CNKSR2: variants seen among roughly 807,000 people sequenced by gnomAD.
The protein encoded by CNKSR2 is CNK homolog protein 2.
In CNKSR2, 14 loss-of-function variants were observed where a neutral mutation model predicts 84.4. The observed-to-expected ratio is 0.17, with a 90% confidence interval of 0.11 to 0.26. The LOEUF is 0.26. Among genes scored for constraint, CNKSR2 ranks in the 10% least tolerant of loss-of-function variants. The pLI, the probability that CNKSR2 is intolerant of heterozygous loss-of-function variation, is 1.00. For missense variants in CNKSR2, 485 were observed against 771.2 expected, an observed-to-expected ratio of 0.63 and a Z score of 4.40; for synonymous variants, 275 against 277.9, an observed-to-expected ratio of 0.99 and a Z score of 0.10.
chrX:21,515,440 G>C (rs1710071670), intron 8 of CNKSR2, among the ~76,000 whole-genome samples: 1 of 111,032 alleles, frequency 9.0e-6, no homozygotes, highest in Admixed American at 9.6e-5. Context: ...GCTAAATCCT[G>C]CTTACAATCC....
chrX:21,592,445 G>A (rs765194868), intron 15 of CNKSR2: 1 of 110,878 alleles, frequency 9.0e-6, no homozygotes, highest in Non-Finnish European at 1.9e-5. Context: ...GCCAAGCGTG[G>A]TGGTGCACGT....
At chrX:21,646,083 G>A (rs999187029) in intron 20 of CNKSR2, among the ~76,000 whole-genome samples, 3 of 110,956 alleles carry the variant, frequency 2.7e-5, no homozygotes, top group Admixed American at 9.6e-5. Flanking sequence ...TCAGTCCCTC[G>A]TCCTTACTCA....
chrX:21,437,817 G>A (rs1248751364), intron 3 of CNKSR2, among the ~76,000 whole-genome samples: 2 of 110,460 alleles, frequency 1.8e-5, no homozygotes, highest in Non-Finnish European at 3.8e-5. Flanking sequence ...AGTAAATTTT[G>A]ATAACACCTA....
At chrX:21,650,510 G>T (rs2147348102) in intron 21 of CNKSR2, among the ~76,000 whole-genome samples, 1 of 109,221 alleles carries the variant, frequency 9.2e-6, no homozygotes, top group African/African-American at 3.4e-5. Context: ...AACCACCATG[G>T]CACGTGTATA....
intron 1 of CNKSR2, among the ~76,000 whole-genome samples, chrX:21,412,577 T>C (rs2090360482): frequency 8.9e-6 from 1 of 112,010 alleles, no homozygotes; most frequent in Non-Finnish European, 1.9e-5. Flanking sequence ...TGATGACTTC[T>C]ATGTAGAATA....
At chrX:21,454,845 G>A (rs923623651) in intron 4 of CNKSR2, among the ~76,000 whole-genome samples, 2 of 111,844 alleles carry the variant, frequency 1.8e-5, no homozygotes, top group Non-Finnish European at 3.8e-5. Context: ...CACTTGGGAG[G>A]CAGATATTTT....
intron 4 of CNKSR2, among the ~76,000 whole-genome samples, chrX:21,461,012 T>A (rs2091054404): frequency 8.9e-6 from 1 of 112,846 alleles, no homozygotes; most frequent in African/African-American, 3.2e-5. Flanking sequence ...CAGATATCTT[T>A]TTAATATCCT....
At chrX:21,609,658 G>C in intron 20 of CNKSR2, 41 bp downstream of exon 20, 1 of 1,118,452 alleles carries the variant, frequency 8.9e-7, no homozygotes, top group Non-Finnish European at 1.2e-6. Flanking sequence ...TGTACACAAA[G>C]TCCTGACCTT....
chrX:21,586,215 T>G (rs1228661380), intron 13 of CNKSR2, among the ~76,000 whole-genome samples: 1 of 111,557 alleles, frequency 9.0e-6, no homozygotes. Context: ...ATCTAAAAAT[T>G]GACTCACGAG....
At chrX:21,468,138 A>G (rs1237984341) in intron 4 of CNKSR2, among the ~76,000 whole-genome samples, 1 of 110,526 alleles carries the variant, frequency 9.0e-6, no homozygotes, top group Non-Finnish European at 1.9e-5. Flanking sequence ...GTGAATTCCT[A>G]TCTCCCTAAA....
chrX:21,437,215 T>C (rs2090717840), intron 3 of CNKSR2, among the ~76,000 whole-genome samples: 2 of 110,841 alleles, frequency 1.8e-5, no homozygotes, highest in South Asian at 7.5e-4. Flanking sequence ...TAAGTAGTTA[T>C]GGTAAAACAA....
intron 11 of CNKSR2, among the ~76,000 whole-genome samples, chrX:21,543,136 G>A (rs900591323): frequency 8.9e-6 from 1 of 112,582 alleles, no homozygotes. Flanking sequence ...GATAGCGTCT[G>A]TAGGTTCCAG....
intron 11 of CNKSR2, among the ~76,000 whole-genome samples, chrX:21,534,593 C>A (rs1364152357): frequency 3.6e-5 from 4 of 110,468 alleles, no homozygotes; most frequent in Non-Finnish European, 5.7e-5. Context: ...TCATTGCCAG[C>A]ATTTCTTATT....
intron 20 of CNKSR2, among the ~76,000 whole-genome samples, chrX:21,632,902 C>T (rs1287462379): frequency 9.1e-6 from 1 of 110,122 alleles, no homozygotes; most frequent in Non-Finnish European, 1.9e-5. Flanking sequence ...GATCATATAG[C>T]CCAATTTTTA....
At chrX:21,443,888 G>A (rs1235266924) in intron 4 of CNKSR2, among the ~76,000 whole-genome samples, 3 of 110,983 alleles carry the variant, frequency 2.7e-5, no homozygotes, top group African/African-American at 9.8e-5. Context: ...TAAATTATGT[G>A]CTTTCTATTC....
intron 1 of CNKSR2, among the ~76,000 whole-genome samples, chrX:21,417,974 C>T (rs2090445021): frequency 9.0e-6 from 1 of 111,269 alleles, no homozygotes; most frequent in Non-Finnish European, 1.9e-5. Context: ...GTTTTATGGT[C>T]TCTTCCTTCT....
At position 21,653,816 on chromosome X, in the gene CNKSR2, C is replaced by A. The variant is rs2092726027; in HGVS notation, c.*1295C>A. 9.0e-6 allele frequency: 1 copy of A among 111,166 alleles called. No individual in the cohort carries two copies. Among genetic ancestry groups the A allele is most frequent in the Admixed American group, 9.6e-5 (1 of 10,454 alleles). 9.2% of individuals were successfully genotyped at this position (111,166 alleles called of 1,213,427 possible). A position where few individuals can be genotyped will look rare whatever the true frequency, so the allele number is the denominator to read the frequency against. ...GTGTCTGGCTGCATAATGTACAAGT[C>A]ACAATTTGCTGTTTTTTTCAGGAGG... On this transcript the variant is annotated 3_prime_UTR_variant, in exon 22 of 22. Transcript: ENST00000379510.
intron 20 of CNKSR2, among the ~76,000 whole-genome samples, chrX:21,621,163 A>T (rs2092599963): frequency 9.0e-6 from 1 of 111,230 alleles, no homozygotes; most frequent in Non-Finnish European, 1.9e-5. Context: ...GGCTACCCTC[A>T]TCTGGACTCC....
intron 1 of CNKSR2, chrX:21,423,352 T>C (rs1040205160): frequency 3.6e-5 from 4 of 111,405 alleles, no homozygotes; most frequent in Non-Finnish European, 7.5e-5. Flanking sequence ...TAAATTTTCT[T>C]ATCTGTAAAA....
Sources: allele counts gnomAD v4.1 joint callset (sites outside exome capture counted in the v4.1 genomes callset), GRCh38; gene constraint gnomAD v4.1.1; transcripts MANE v1.5; gene names NCBI Gene and HGNC (gene_info 2026-07-23, HGNC 2026-07-21).